The following PLXNA4 variants were observed in gnomAD, a reference collection of about 807,000 sequenced individuals.
PLXNA4 encodes plexin A4, also known as plexin-A4.
PLXNA4 carries 44 observed loss-of-function variants against 191.8 expected under a neutral mutation model. The ratio of observed to expected loss-of-function variants is 0.23; its 90% CI spans 0.18 to 0.29. PLXNA4 has a LOEUF of 0.29. Ranked by LOEUF, PLXNA4 falls within the 10% of genes least tolerant of loss-of-function variation. The pLI, the probability that PLXNA4 is intolerant of heterozygous loss-of-function variation, is 1.00. For missense variants in PLXNA4, 1,800 were observed against 2,488.8 expected (o/e 0.72, Z 5.89); for synonymous variants, 1,082 against 1,009.5 (o/e 1.07, Z -1.36).
rs1177291147 is a variant in PLXNA4 at position 132,123,540 on chromosome 7, A to AATT, written c.*6936_*6938dup. ...CAGGTTTCCTTTTTAAAAACTTTTT[A>AATT]ATTTTTTTTTAATATTTTACTAGGA... On this transcript the variant is annotated 3_prime_UTR_variant, in exon 32 of 32. Coordinates refer to ENST00000321063, the MANE Select transcript of PLXNA4 (RefSeq NM_020911.2). 11 of 151,312 alleles carry AATT rather than the reference A, an allele frequency of 7.3e-5. No individual in the cohort carries two copies. The highest frequency in any genetic ancestry group is 1.2e-4 in the Non-Finnish European group (8 of 68,010). The allele number at this position is 151,312 out of a possible 1,614,324, so 9.4% of individuals were successfully genotyped here. A position where few individuals can be genotyped will look rare whatever the true frequency, so the allele number is the denominator to read the frequency against.
chr7:132,417,704 A>T (rs1794707038), intron 3 of PLXNA4, among the ~76,000 whole-genome samples: 1 of 131,706 alleles, frequency 7.6e-6, no homozygotes, highest in African/African-American at 2.8e-5. Flanking sequence ...AGAAAGGGGG[A>T]GAGGTGGGGG....
At chr7:132,455,714 G>C (rs1027914564) in intron 3 of PLXNA4, among the ~76,000 whole-genome samples, 2 of 152,100 alleles carry the variant, frequency 1.3e-5, no homozygotes, top group African/African-American at 4.8e-5. Flanking sequence ...GATACAAGCA[G>C]AGAAGCCTGC....
At chr7:132,551,620 T>C (rs1166401452) in intron 1 of PLXNA4, among the ~76,000 whole-genome samples, 1 of 152,158 alleles carries the variant, frequency 6.6e-6, no homozygotes, top group African/African-American at 2.4e-5. Context: ...AGCCCTGTAC[T>C]GTACTCTCTC....
chr7:132,236,502 C>G (rs1991119), intron 5 of PLXNA4, among the ~76,000 whole-genome samples: 1,879 of 152,250 alleles, frequency 0.012, 17 homozygotes, highest in Middle Eastern at 0.017. Context: ...AGCAAGCAAC[C>G]GAGTCACTTG....
At chr7:132,359,384 T>G (rs892491738) in intron 3 of PLXNA4, among the ~76,000 whole-genome samples, 2 of 151,648 alleles carry the variant, frequency 1.3e-5, no homozygotes, top group Non-Finnish European at 1.5e-5. Context: ...CCATGCCGGA[T>G]TTTTGTATTT....
At chr7:132,187,441 G>A in intron 15 of PLXNA4, 30 bp downstream of exon 15, 1 of 1,603,318 alleles carries the variant, frequency 6.2e-7, no homozygotes, top group Non-Finnish European at 8.5e-7. Context: ...TTCCCTCTCT[G>A]GTGCTGCAGA....
chr7:132,375,278 T>A (rs1182413879), intron 3 of PLXNA4, among the ~76,000 whole-genome samples: 1 of 120,146 alleles, frequency 8.3e-6, no homozygotes, highest in Admixed American at 8.5e-5. Context: ...CTTAACTCCA[T>A]CCCGCCCCCC....
chr7:132,386,732 TGAG>T (rs1805161107), intron 3 of PLXNA4, among the ~76,000 whole-genome samples: 1 of 152,178 alleles, frequency 6.6e-6, no homozygotes, highest in African/African-American at 2.4e-5. Context: ...ACAGGTGGGA[TGAG>T]GATATTCCAG....
Position 132,227,436 on chromosome 7 carries a change from C to T in PLXNA4, c.1882+15G>A, listed in dbSNP as rs761118843. The T allele has an allele frequency of 1.9e-6, 3 of 1,614,098 alleles. No individual in the cohort carries two copies. In the African/African-American group the frequency reaches 4.0e-5, roughly 22 times the overall value. ...AGGAAGAAGTGCCACTCAGCTGTGC[C>T]TCCGGGATGCTCACCATTCTCTGTG... On this transcript the variant is annotated intron_variant, in intron 7 of 31. Coordinates refer to ENST00000321063, the MANE Select transcript of PLXNA4 (RefSeq NM_020911.2).
At chr7:132,349,582 C>T (rs1328035238) in intron 3 of PLXNA4, among the ~76,000 whole-genome samples, 1 of 152,196 alleles carries the variant, frequency 6.6e-6, no homozygotes, top group Non-Finnish European at 1.5e-5. Context: ...AATTCCCATT[C>T]CAATGTTTCA....
chr7:132,151,390 AAGGAGGAGGAGGAGGAG>A (rs1795613696), intron 25 of PLXNA4, among the ~76,000 whole-genome samples: 22 of 46,306 alleles, frequency 4.8e-4, no homozygotes, highest in African/African-American at 1.0e-3. Context: ...GAGGAGGAGA[AAGGAGGAGGAGGAGGAG>A]GAAGGAGGAG....
At position 132,414,613 on chromosome 7, in the gene PLXNA4, C is replaced by T. The variant is rs548056655; in HGVS notation, c.1371+74679G>A. The stretch of plus-strand genomic sequence containing the variant: ...TGCTTATTTCACAAATATCAGGCTA[C>T]TCCTCACCTCACATCCCATAACCAC... On this transcript the variant is annotated intron_variant, in intron 3 of 31. Coordinates refer to ENST00000321063, the MANE Select transcript of PLXNA4 (RefSeq NM_020911.2). 2.4e-4 allele frequency among the ~76,000 whole-genome samples: 36 copies of T among 152,274 alleles called. No homozygotes were observed. The South Asian group carries it at 7.1e-3, about 30-fold the overall frequency.
chr7:132,206,768 G>A (rs1461351573), intron 10 of PLXNA4, among the ~76,000 whole-genome samples: 3 of 152,116 alleles, frequency 2.0e-5, no homozygotes, highest in Admixed American at 1.3e-4. Flanking sequence ...AGACAGCTGG[G>A]AGCCTGGACC....
chr7:132,417,720 G>A (rs546835813), intron 3 of PLXNA4, among the ~76,000 whole-genome samples: 136 of 151,768 alleles, frequency 9.0e-4, no homozygotes, highest in Non-Finnish European at 1.8e-3. Context: ...GGGGGAGGAG[G>A]GGAGAGGGAG....
At chr7:132,238,084 T>A (rs965173703) in intron 5 of PLXNA4, among the ~76,000 whole-genome samples, 1 of 152,164 alleles carries the variant, frequency 6.6e-6, no homozygotes, top group Non-Finnish European at 1.5e-5. Flanking sequence ...TGTCTAGTGA[T>A]CCTGAGTGCA....
intron 2 of PLXNA4, among the ~76,000 whole-genome samples, chr7:132,584,586 C>T (rs1390139808): frequency 6.6e-6 from 1 of 152,142 alleles, no homozygotes; most frequent in Non-Finnish European, 1.5e-5. Context: ...TCTATGTATG[C>T]TGCTCTGAAA....
chr7:132,175,578 C>T (rs1430777970), intron 20 of PLXNA4, among the ~76,000 whole-genome samples: 2 of 152,210 alleles, frequency 1.3e-5, no homozygotes, highest in Non-Finnish European at 2.9e-5. Context: ...CATGTGGGCA[C>T]TGCTGTGTGT....
chr7:132,382,209 AG>A (rs770017695), intron 3 of PLXNA4, among the ~76,000 whole-genome samples: 3 of 152,312 alleles, frequency 2.0e-5, no homozygotes, highest in Non-Finnish European at 4.4e-5. Context: ...CCTGAAGCCC[AG>A]AGAAGAGGAA....
intron 9 of PLXNA4, among the ~76,000 whole-genome samples, chr7:132,211,764 G>C (rs1797809547): frequency 6.6e-6 from 1 of 152,226 alleles, no homozygotes; most frequent in South Asian, 2.1e-4. Context: ...ATGCCTCTCA[G>C]AGTAGAAACA....
Sources: gnomAD v4.1 joint callset for allele counts (sites outside exome capture counted in the v4.1 genomes callset) on GRCh38, gnomAD v4.1.1 for gene constraint, MANE v1.5 for transcripts, NCBI Gene and HGNC (gene_info 2026-07-23, HGNC 2026-07-21) for gene names.